The following RBFOX1 variants were observed in gnomAD, a reference collection of about 807,000 sequenced individuals.
RBFOX1 encodes the protein RNA binding protein fox-1 homolog 1.
Under a neutral mutation model 57.7 loss-of-function variants are expected in RBFOX1, and 8 were observed. The observed-to-expected ratio is 0.14, with a 90% CI of 0.08 to 0.25. RBFOX1 has a LOEUF of 0.25. Ranked by LOEUF, RBFOX1 falls within the 10% of genes least tolerant of loss-of-function variation. The pLI is 1.00. For synonymous variants in RBFOX1, 326 were observed against 222.4 expected, an observed-to-expected ratio of 1.47 and a Z score of -4.15; for missense variants, 611 against 548.5, an observed-to-expected ratio of 1.11 and a Z score of -1.14.
chr16:7,162,526 T>C (rs1407497552), intron 4 of RBFOX1, among the ~76,000 whole-genome samples: 1 of 150,840 alleles, frequency 6.6e-6, no homozygotes, highest in Non-Finnish European at 1.5e-5. Context: ...GGTCAGGAGT[T>C]TGAGACCAGC....
intron 2 of RBFOX1, among the ~76,000 whole-genome samples, chr16:6,339,532 A>T (rs929207383): frequency 6.6e-6 from 1 of 152,144 alleles, no homozygotes; most frequent in Non-Finnish European, 1.5e-5. Context: ...ATGGACAGGG[A>T]GGTAAACAGT....
intron 4 of RBFOX1, among the ~76,000 whole-genome samples, chr16:5,966,846 T>TG (rs1394561258): frequency 2.6e-5 from 4 of 152,006 alleles, no homozygotes; most frequent in Non-Finnish European, 5.9e-5. Flanking sequence ...AGCAGCCTCA[T>TG]GGAAGTGCAA....
At chr16:5,749,699 C>T (rs937399418) in intron 3 of RBFOX1, among the ~76,000 whole-genome samples, 1 of 152,192 alleles carries the variant, frequency 6.6e-6, no homozygotes, top group Admixed American at 6.5e-5. Context: ...GTTCTTGTGC[C>T]ATGGTTTTCA....
chr16:5,489,582 C>T (rs2042757606), intron 2 of RBFOX1, among the ~76,000 whole-genome samples: 2 of 152,166 alleles, frequency 1.3e-5, no homozygotes, highest in African/African-American at 4.8e-5. Flanking sequence ...ATTCCTAGTG[C>T]TACCATGCCA....
intron 3 of RBFOX1, among the ~76,000 whole-genome samples, chr16:7,005,305 C>T (rs1379952014): frequency 6.6e-6 from 1 of 152,114 alleles, no homozygotes; most frequent in East Asian, 1.9e-4. Context: ...AGTCATCTTC[C>T]TCCCTTTCAA....
chr16:7,392,401 C>T (rs190752247), intron 4 of RBFOX1, among the ~76,000 whole-genome samples: 144 of 152,262 alleles, frequency 9.5e-4, no homozygotes, highest in East Asian at 3.9e-4. Flanking sequence ...GAGGAAATGC[C>T]TTGGTCATCA....
intron 4 of RBFOX1, among the ~76,000 whole-genome samples, chr16:7,282,835 G>C (rs1265792465): frequency 6.6e-6 from 1 of 152,152 alleles, no homozygotes; most frequent in Non-Finnish European, 1.5e-5. Flanking sequence ...TATGATGTTT[G>C]GTTTTCCATT....
chr16:6,816,997 C>T (rs1429330712), intron 3 of RBFOX1, among the ~76,000 whole-genome samples: 2 of 152,100 alleles, frequency 1.3e-5, no homozygotes, highest in East Asian at 1.9e-4. Flanking sequence ...ATCCCACTGC[C>T]TCTGCCTCCC....
intron 1 of RBFOX1, among the ~76,000 whole-genome samples, chr16:6,045,541 T>G (rs574241549): frequency 6.6e-6 from 1 of 152,224 alleles, no homozygotes; most frequent in Non-Finnish European, 1.5e-5. Context: ...ATTCATTCAT[T>G]CAGTGAATAT....
At chr16:6,711,636 C>G (rs777339340) in intron 3 of RBFOX1, among the ~76,000 whole-genome samples, 2 of 152,168 alleles carry the variant, frequency 1.3e-5, no homozygotes, top group South Asian at 2.1e-4. Flanking sequence ...TTGTAAGTTT[C>G]TCGAGGCTTC....
intron 2 of RBFOX1, among the ~76,000 whole-genome samples, chr16:6,483,010 G>T (rs532825737): frequency 6.6e-6 from 1 of 152,238 alleles, no homozygotes; most frequent in Non-Finnish European, 1.5e-5. Context: ...AAGAACAAGG[G>T]AAGGGACACG....
At chr16:5,793,498 C>T (rs868243598) in intron 3 of RBFOX1, among the ~76,000 whole-genome samples, 11 of 152,228 alleles carry the variant, frequency 7.2e-5, no homozygotes, top group South Asian at 2.1e-4. Flanking sequence ...TGGCACTGGC[C>T]AGAGTCCTGA....
chr16:7,292,412 AT>A lies in RBFOX1; in HGVS notation c.28-225733del, dbSNP rs1313246029. Among the ~76,000 whole-genome samples the A allele has an allele frequency of 3.5e-5, 5 of 142,326 alleles. No homozygotes were observed. In the East Asian group the frequency reaches 9.9e-4, roughly 28 times the overall value. 93.4% of individuals were successfully genotyped at this position (142,326 alleles called of 152,430 possible). ...TGATATATAATATGTAATGTATTAT[AT>A]TATATATATAAGGTATTATATATAA... is the stretch of plus-strand genomic sequence containing the variant. On this transcript the variant is annotated intron_variant, in intron 4 of 15. Transcript: ENST00000550418.
At chr16:7,050,386 C>G (rs1474938787) in intron 3 of RBFOX1, among the ~76,000 whole-genome samples, 2 of 151,776 alleles carry the variant, frequency 1.3e-5, no homozygotes, top group East Asian at 3.9e-4. Context: ...CTGCTTCAGC[C>G]AACTGAGTAG....
chr16:6,196,547 T>G (rs182135669), intron 1 of RBFOX1, among the ~76,000 whole-genome samples: 44 of 152,286 alleles, frequency 2.9e-4, no homozygotes, highest in African/African-American at 1.0e-3. Context: ...GGCTGCGACT[T>G]AAAAAGCCAA....
chr16:6,928,009 C>T (rs2153467685), intron 3 of RBFOX1, among the ~76,000 whole-genome samples: 1 of 152,262 alleles, frequency 6.6e-6, no homozygotes, highest in African/African-American at 2.4e-5. Flanking sequence ...TGCTGGCTTC[C>T]ACCCCCAGCA....
At chr16:7,394,075 A>C (rs2098094973) in intron 4 of RBFOX1, among the ~76,000 whole-genome samples, 1 of 151,902 alleles carries the variant, frequency 6.6e-6, no homozygotes, top group African/African-American at 2.4e-5. Context: ...ATCTCTACGA[A>C]AAATACCAAA....
intron 3 of RBFOX1, among the ~76,000 whole-genome samples, chr16:6,781,558 G>T (rs1444821966): frequency 6.6e-5 from 10 of 151,974 alleles, no homozygotes; most frequent in Admixed American, 6.6e-4. Flanking sequence ...TCAAGTCCTG[G>T]CCTTTTCTCT....
intron 2 of RBFOX1, among the ~76,000 whole-genome samples, chr16:5,509,425 G>A (rs2043500221): frequency 1.3e-5 from 2 of 152,286 alleles, no homozygotes; most frequent in Middle Eastern, 3.4e-3. Flanking sequence ...CCAAGGACAG[G>A]GGCCTCAGCC....
Sources: allele counts gnomAD v4.1 joint callset (sites outside exome capture counted in the v4.1 genomes callset), GRCh38; gene constraint gnomAD v4.1.1; transcripts MANE v1.5; gene names NCBI Gene and HGNC (gene_info 2026-07-23, HGNC 2026-07-21).